The following MARCHF1 variants were observed in gnomAD, a reference collection of about 807,000 sequenced individuals.
MARCHF1 encodes membrane associated ring-CH-type finger 1.
A neutral mutation model predicts 54.2 loss-of-function variants in MARCHF1; 40 were observed. That is an observed-to-expected ratio of 0.74 (90% CI 0.57 to 0.96). The LOEUF (loss-of-function observed/expected upper bound fraction) is 0.96, where lower values mean the gene tolerates loss of function less well. Among genes scored for constraint, MARCHF1 ranks in the 40% least tolerant of loss-of-function variants. MARCHF1 has a pLI of 0.00. For synonymous variants in MARCHF1, 236 were observed against 236.3 expected, an observed-to-expected ratio of 1.00 and a Z score of 0.01; for missense variants, 586 against 656.5, an observed-to-expected ratio of 0.89 and a Z score of 1.17.
rs529120612 is a variant in MARCHF1 at position 163,589,157 on chromosome 4, A to C, written c.1011-3228T>G. ...TGTCAAATGCTCTACAGGCACCAAA[A>C]AGATTTTGCAGCTCTGATTTTTTCA... On this transcript the variant is annotated intron_variant, in intron 7 of 9. Coordinates refer to ENST00000514618, the MANE Select transcript of MARCHF1 (RefSeq NM_001394959.1). 6.6e-5 allele frequency among the ~76,000 whole-genome samples: 10 copies of C among 152,164 alleles called. No individual in the cohort carries two copies. The East Asian group carries it at 1.9e-3, about 29-fold the overall frequency.
chr4:163,919,649 G>A (rs982666757), intron 3 of MARCHF1, among the ~76,000 whole-genome samples: 4 of 151,900 alleles, frequency 2.6e-5, no homozygotes, highest in Admixed American at 2.6e-4. Flanking sequence ...ACCCAATTAT[G>A]TAGCTCACAT....
chr4:163,550,177 A>C (rs938419789), intron 8 of MARCHF1, among the ~76,000 whole-genome samples: 2 of 151,380 alleles, frequency 1.3e-5, no homozygotes, highest in African/African-American at 4.9e-5. Flanking sequence ...AGCTACTCGG[A>C]AGGCTGAGGC....
At chr4:164,208,968 C>G (rs1560954952) in intron 1 of MARCHF1, among the ~76,000 whole-genome samples, 1 of 151,422 alleles carries the variant, frequency 6.6e-6, no homozygotes, top group Admixed American at 6.6e-5. Flanking sequence ...GTCTGTCTCT[C>G]TCTCTCTCTC....
At chr4:164,320,312 G>C (rs1362217078) in intron 1 of MARCHF1, among the ~76,000 whole-genome samples, 1 of 152,120 alleles carries the variant, frequency 6.6e-6, no homozygotes, top group Non-Finnish European at 1.5e-5. Context: ...TGGTTCCCAA[G>C]GTAAACATTA....
chr4:163,884,560 G>A (rs951374038), intron 3 of MARCHF1, among the ~76,000 whole-genome samples: 3 of 152,014 alleles, frequency 2.0e-5, no homozygotes, highest in Non-Finnish European at 4.4e-5. Flanking sequence ...TTAATGAAAG[G>A]CCCCAAGTCC....
chr4:164,341,451 T>A (rs145557888), intron 1 of MARCHF1, among the ~76,000 whole-genome samples: 2 of 152,162 alleles, frequency 1.3e-5, no homozygotes, highest in East Asian at 3.9e-4. Flanking sequence ...ATAAAAAAAA[T>A]AAGTAAAATT....
chr4:163,573,253 A>G (rs1467676236), intron 8 of MARCHF1, among the ~76,000 whole-genome samples: 1 of 151,400 alleles, frequency 6.6e-6, no homozygotes, highest in Non-Finnish European at 1.5e-5. Flanking sequence ...CAGCAAAGAG[A>G]GATAGTTTGA....
chr4:164,131,588 A>G (rs1178365459), intron 1 of MARCHF1, among the ~76,000 whole-genome samples: 1 of 152,138 alleles, frequency 6.6e-6, no homozygotes, highest in African/African-American at 2.4e-5. Context: ...CTTATTTTGT[A>G]TGATTATAGG....
chr4:163,531,520 C>G (rs1025892916), intron 9 of MARCHF1, among the ~76,000 whole-genome samples: 1 of 151,784 alleles, frequency 6.6e-6, no homozygotes, highest in African/African-American at 2.4e-5. Context: ...GATGCTTTCC[C>G]CCTAAGATCA....
At chr4:163,850,499 T>C (rs1749613027) in intron 4 of MARCHF1, among the ~76,000 whole-genome samples, 1 of 152,260 alleles carries the variant, frequency 6.6e-6, no homozygotes, top group Non-Finnish European at 1.5e-5. Flanking sequence ...ATATTCTGTT[T>C]GTTAAAACTG....
intron 4 of MARCHF1, among the ~76,000 whole-genome samples, chr4:163,782,784 C>G (rs1747506096): frequency 6.6e-6 from 1 of 151,752 alleles, no homozygotes; most frequent in Non-Finnish European, 1.5e-5. Context: ...GCTGCAAAGT[C>G]AGACAAGTGT....
chr4:164,193,424 C>G (rs930000303), intron 1 of MARCHF1, among the ~76,000 whole-genome samples: 1 of 151,968 alleles, frequency 6.6e-6, no homozygotes, highest in Non-Finnish European at 1.5e-5. Flanking sequence ...AATTCCACGG[C>G]CATTGGAATA....
At chr4:164,075,993 G>T (rs185737710) in intron 2 of MARCHF1, among the ~76,000 whole-genome samples, 306 of 152,258 alleles carry the variant, frequency 2.0e-3, no homozygotes, top group African/African-American at 7.2e-3. Context: ...TGAACTTGTA[G>T]CCATGAATGC....
intron 1 of MARCHF1, among the ~76,000 whole-genome samples, chr4:164,336,273 G>A (rs953585533): frequency 6.6e-6 from 1 of 152,162 alleles, no homozygotes; most frequent in Non-Finnish European, 1.5e-5. Flanking sequence ...TTAAGAAGTG[G>A]TGTTATGGTG....
chr4:163,959,270 T>C (rs551685449), intron 3 of MARCHF1, among the ~76,000 whole-genome samples: 64 of 151,376 alleles, frequency 4.2e-4, no homozygotes, highest in Non-Finnish European at 7.7e-4. Context: ...TTAAAATTCA[T>C]ATGGAACCAA....
chr4:164,065,002 G>A (rs1579504535), intron 2 of MARCHF1, among the ~76,000 whole-genome samples: 1 of 152,128 alleles, frequency 6.6e-6, no homozygotes, highest in African/African-American at 2.4e-5. Context: ...GATAAAGCCA[G>A]CTTGATCATA....
intron 1 of MARCHF1, among the ~76,000 whole-genome samples, chr4:164,203,206 A>AACC (rs767296929): frequency 2.6e-5 from 4 of 152,158 alleles, no homozygotes; most frequent in African/African-American, 4.8e-5. Flanking sequence ...AGCTTATATT[A>AACC]ACCACAGGGA....
intron 2 of MARCHF1, among the ~76,000 whole-genome samples, chr4:164,078,782 G>C (rs969907160): frequency 3.3e-5 from 5 of 152,136 alleles, no homozygotes; most frequent in Middle Eastern, 3.4e-3. Flanking sequence ...ATAAAAACCT[G>C]TATTGGTTTT....
intron 5 of MARCHF1, among the ~76,000 whole-genome samples, chr4:163,628,958 G>A (rs981570475): frequency 2.6e-5 from 4 of 152,156 alleles, no homozygotes; most frequent in Admixed American, 1.3e-4. Flanking sequence ...TCAATATTGT[G>A]AAAATGGCCA....
Sources: gnomAD v4.1 joint callset for allele counts (sites outside exome capture counted in the v4.1 genomes callset) on GRCh38, gnomAD v4.1.1 for gene constraint, MANE v1.5 for transcripts, NCBI Gene and HGNC (gene_info 2026-07-23, HGNC 2026-07-21) for gene names.